The following FMN1 variants were observed in gnomAD, a reference collection of about 807,000 sequenced individuals.
FMN1 encodes formin-1.
Under a neutral mutation model 132.4 loss-of-function variants are expected in FMN1, and 110 were observed. That is an observed-to-expected ratio of 0.83 (90% confidence interval 0.71 to 0.97). The LOEUF (loss-of-function observed/expected upper bound fraction) is 0.97, where lower values mean the gene tolerates loss of function less well. Among genes scored for constraint, FMN1 ranks in the 50% least tolerant of loss-of-function variants. The pLI is 0.00. For missense variants in FMN1, 1,792 were observed against 1,705.3 expected, an observed-to-expected ratio of 1.05 and a Z score of -0.90; for synonymous variants, 722 against 651.7, an observed-to-expected ratio of 1.11 and a Z score of -1.64.
intron 4 of FMN1, among the ~76,000 whole-genome samples, chr15:33,107,768 T>A (rs983707335): frequency 1.3e-5 from 2 of 152,158 alleles, no homozygotes; most frequent in African/African-American, 4.8e-5. Context: ...AAATAATGAA[T>A]GAGTCTCAAA....
chr15:32,994,230 T>TCACACACACACA (rs1555375432), intron 7 of FMN1, among the ~76,000 whole-genome samples: 1 of 28,152 alleles, frequency 3.6e-5, no homozygotes, highest in African/African-American at 7.5e-5. Flanking sequence ...TCTCTCTCTC[T>TCACACACACACA]CTCACACACA....
At chr15:32,988,049 G>GTTTTTTTTTTTTTTTTTTTT (rs10573409) in intron 7 of FMN1, among the ~76,000 whole-genome samples, 3 of 118,164 alleles carry the variant, frequency 2.5e-5, no homozygotes, top group Non-Finnish European at 1.7e-5. Context: ...TGTCTCTCCA[G>GTTTTTTTTTTTTTTTTTTTT]TTTTTTTTTT....
At chr15:33,080,242 A>T (rs1039342812) in intron 5 of FMN1, among the ~76,000 whole-genome samples, 1 of 152,368 alleles carries the variant, frequency 6.6e-6, no homozygotes, top group Non-Finnish European at 1.5e-5. Flanking sequence ...AAGACACAAC[A>T]GAGAGCAATC....
intron 16 of FMN1, among the ~76,000 whole-genome samples, chr15:32,864,165 G>C (rs1034821273): frequency 6.6e-6 from 1 of 152,122 alleles, no homozygotes; most frequent in African/African-American, 2.4e-5. Context: ...GTTTCAAGTT[G>C]ATTTAAGCCA....
At chr15:33,127,175 A>C (rs1021784153) in intron 4 of FMN1, among the ~76,000 whole-genome samples, 3 of 148,518 alleles carry the variant, frequency 2.0e-5, no homozygotes, top group Non-Finnish European at 4.5e-5. Flanking sequence ...AACAGAGAGG[A>C]GGTCAGGCCA....
intron 9 of FMN1, among the ~76,000 whole-genome samples, chr15:32,957,596 T>C (rs964749172): frequency 6.6e-6 from 1 of 152,080 alleles, no homozygotes; most frequent in Non-Finnish European, 1.5e-5. Flanking sequence ...CATTTGCAAA[T>C]AGTTTTAGGA....
At chr15:33,180,106 C>G (rs1370337432) in intron 3 of FMN1, 92 bp downstream of exon 3, 3 of 152,238 alleles carry the variant, frequency 2.0e-5, no homozygotes, top group Non-Finnish European at 4.4e-5. Context: ...AATCAGAACC[C>G]TGTGGGTGAA....
intron 9 of FMN1, among the ~76,000 whole-genome samples, chr15:32,950,239 G>C: frequency 6.6e-6 from 1 of 150,922 alleles, no homozygotes. Flanking sequence ...CTGTTGGTGG[G>C]AGAGTAAATT....
chr15:32,769,025 G>A lies in FMN1; in HGVS notation c.*5285C>T, dbSNP rs2140825748. ...TGGTTATCACCATAGTTAGGAGAAGGGCTGGGGATAGAGGAGGAAATGAGT... is the reference window on the plus strand; with the variant it reads ...TGGTTATCACCATAGTTAGGAGAAGAGCTGGGGATAGAGGAGGAAATGAGT... On this transcript the variant is annotated 3_prime_UTR_variant, in exon 21 of 21. Transcript: ENST00000616417. 1 of 152,172 alleles carries A rather than the reference G, an allele frequency of 6.6e-6. No homozygotes were observed. The highest frequency in any genetic ancestry group is 2.4e-5 in the African/African-American group (1 of 41,510). The allele number at this position is 152,172 out of a possible 1,614,324, so 9.4% of individuals were successfully genotyped here.
chr15:33,162,031 A>C (rs1964916934), intron 3 of FMN1, among the ~76,000 whole-genome samples: 2 of 151,346 alleles, frequency 1.3e-5, no homozygotes. Context: ...CTTCTTTCTG[A>C]GATAGGGTCT....
rs1471001372 is a variant in FMN1 at position 33,149,812 on chromosome 15, C to G, written c.1867+3236G>C. On this transcript the variant is annotated intron_variant, in intron 4 of 20. Transcript: ENST00000616417. ...CTTTACAATTTTATTGGAATTGCAT[C>G]AAACCTTAATATTAATATGGGAAGA... 3 of 984,560 alleles carry G rather than the reference C, an allele frequency of 3.0e-6. No homozygotes were observed. In the African/African-American group the frequency reaches 5.2e-5, roughly 17 times the overall value. The allele number at this position is 984,560 out of a possible 1,614,324, so 61.0% of individuals were successfully genotyped here. A position where few individuals can be genotyped will look rare whatever the true frequency, so the allele number is the denominator to read the frequency against.
intron 9 of FMN1, among the ~76,000 whole-genome samples, chr15:32,932,515 A>T (rs1240188629): frequency 3.9e-5 from 6 of 152,212 alleles, no homozygotes; most frequent in African/African-American, 1.4e-4. Flanking sequence ...TGTTCTCATA[A>T]AATGAATTTG....
rs28648031 is a variant in FMN1 at position 32,840,822 on chromosome 15, C to T, written c.3928+16193G>A. ...CTGTAACTGTGGACAACTGAAATAC[C>T]GAAAAGAAAATGTGCACACACTGTT... On this transcript the variant is annotated intron_variant, in intron 17 of 20. Coordinates refer to ENST00000616417, the MANE Select transcript of FMN1 (RefSeq NM_001277313.2). Among the ~76,000 whole-genome samples the T allele has an allele frequency of 7.7e-3, 1,169 of 152,104 alleles. 19 individuals carry two copies. The highest frequency in any genetic ancestry group is 0.024 in the African/African-American group (975 of 41,468).
At chr15:33,060,500 T>C (rs952635393) in intron 6 of FMN1, among the ~76,000 whole-genome samples, 1 of 152,198 alleles carries the variant, frequency 6.6e-6, no homozygotes, top group Non-Finnish European at 1.5e-5. Context: ...TCTATTTAAT[T>C]TAAAATACTC....
At chr15:33,019,697 G>A (rs1383198218) in intron 6 of FMN1, among the ~76,000 whole-genome samples, 2 of 152,208 alleles carry the variant, frequency 1.3e-5, no homozygotes, top group Non-Finnish European at 2.9e-5. Flanking sequence ...GAGACCCGGC[G>A]CACCCTCCGC....
intron 4 of FMN1, among the ~76,000 whole-genome samples, chr15:33,116,183 A>C (rs2039917558): frequency 6.6e-6 from 1 of 152,200 alleles, no homozygotes; most frequent in Non-Finnish European, 1.5e-5. Context: ...TATACAGAAA[A>C]AAGATGTAAA....
At chr15:32,847,355 T>A (rs1188557640) in intron 17 of FMN1, among the ~76,000 whole-genome samples, 1 of 152,116 alleles carries the variant, frequency 6.6e-6, no homozygotes, top group African/African-American at 2.4e-5. Flanking sequence ...TAATGATACT[T>A]ATCTGACAAA....
intron 10 of FMN1, among the ~76,000 whole-genome samples, chr15:32,921,482 G>A (rs1225716094): frequency 6.6e-6 from 1 of 152,116 alleles, no homozygotes; most frequent in African/African-American, 2.4e-5. Flanking sequence ...GATAGATATT[G>A]CTGCATTCAA....
chr15:33,063,341 T>G (rs1279373556), intron 6 of FMN1: 1 of 152,368 alleles, frequency 6.6e-6, no homozygotes, highest in Non-Finnish European at 1.5e-5. Context: ...GGCACCTCCC[T>G]GCTGAGGGCT....
Sources: gnomAD v4.1 joint callset for allele counts (sites outside exome capture counted in the v4.1 genomes callset) on GRCh38, gnomAD v4.1.1 for gene constraint, MANE v1.5 for transcripts, NCBI Gene and HGNC (gene_info 2026-07-23, HGNC 2026-07-21) for gene names.